Variants in MDN1 observed in about 807,000 individuals in gnomAD.
MDN1 encodes the protein midasin.
A neutral mutation model predicts 669.2 loss-of-function variants in MDN1; 266 were observed. That is an observed-to-expected ratio of 0.40 (90% CI 0.36 to 0.44). MDN1 has a LOEUF of 0.44. Among genes scored for constraint, MDN1 ranks in the 20% least tolerant of loss-of-function variants. The pLI is 1.00. For synonymous variants in MDN1, 2,385 were observed against 2,457.1 expected, an observed-to-expected ratio of 0.97 and a Z score of 0.87; for missense variants, 5,940 against 6,754.0, an observed-to-expected ratio of 0.88 and a Z score of 4.22.
chr6:89,703,417 C>A (rs910552922), intron 53 of MDN1, among the ~76,000 whole-genome samples: 6 of 150,968 alleles, frequency 4.0e-5, no homozygotes, highest in African/African-American at 1.5e-4. Flanking sequence ...GTTTAAATGT[C>A]TATTCTTAAG....
intron 88 of MDN1, among the ~76,000 whole-genome samples, chr6:89,660,490 G>T (rs9342204): frequency 0.98 from 147,951 of 151,050 alleles, 72,477 homozygotes; most frequent in East Asian, 1. Flanking sequence ...AGCCTACTGG[G>T]TTTTTTTTTC....
At chr6:89,660,215 T>C (rs146542107) in intron 88 of MDN1, among the ~76,000 whole-genome samples, 17 of 152,256 alleles carry the variant, frequency 1.1e-4, no homozygotes, top group Non-Finnish European at 1.8e-4. Flanking sequence ...AGACAGAGTC[T>C]CGTTCTGTCA....
At position 89,683,917 on chromosome 6, in the gene MDN1, T is replaced by C; in HGVS notation, c.11830-13A>G. On this transcript the variant is annotated splice_polypyrimidine_tract_variant and intron_variant, in intron 71 of 101. Transcript: ENST00000369393. ...TCTTAACAAATTCCTGTAAGATAAA[T>C]GATGTTCAAGAAATGGCTTTATAAA... is the stretch of plus-strand genomic sequence containing the variant. 3 of 1,600,830 alleles carry C rather than the reference T, an allele frequency of 1.9e-6. No homozygotes were observed. In the South Asian group the frequency reaches 3.3e-5, roughly 18 times the overall value.
intron 31 of MDN1, 133 bp downstream of exon 31, chr6:89,743,017 G>A (rs1816372393): frequency 9.3e-7 from 1 of 1,080,178 alleles, no homozygotes; most frequent in Admixed American, 2.7e-5. Context: ...AGAAGTTTGA[G>A]GCTACAGTGA....
intron 7 of MDN1, among the ~76,000 whole-genome samples, chr6:89,788,888 G>A (rs890053135): frequency 6.6e-6 from 1 of 152,202 alleles, no homozygotes; most frequent in Non-Finnish European, 1.5e-5. Context: ...CACTTTGGGA[G>A]GCTGAGGCAG....
intron 52 of MDN1, 98 bp downstream of exon 52, chr6:89,707,262 AC>A: frequency 1.2e-6 from 1 of 802,928 alleles, no homozygotes; most frequent in East Asian, 2.6e-5. Context: ...ATTAAAAGAA[AC>A]CAGTAAACAA....
chr6:89,713,099 G>T (rs761165924), intron 47 of MDN1, 49 bp downstream of exon 47: 3 of 1,571,624 alleles, frequency 1.9e-6, no homozygotes, highest in South Asian at 2.3e-5. Flanking sequence ...TCGTACTCAA[G>T]AATGTAGGGT....
chr6:89,666,444 T>C (rs1810239107), intron 84 of MDN1, among the ~76,000 whole-genome samples: 1 of 152,066 alleles, frequency 6.6e-6, no homozygotes, highest in African/African-American at 2.4e-5. Flanking sequence ...TTTGTATTTT[T>C]AGTAGAGATG....
intron 97 of MDN1, among the ~76,000 whole-genome samples, chr6:89,649,080 C>G (rs757447834): frequency 1.4e-4 from 21 of 151,414 alleles, no homozygotes; most frequent in Middle Eastern, 6.9e-3. Flanking sequence ...TGAAGAGTAA[C>G]CTCTTGTAGG....
chr6:89,758,046 T>C (rs891895552), intron 19 of MDN1, among the ~76,000 whole-genome samples: 60 of 150,956 alleles, frequency 4.0e-4, no homozygotes, highest in African/African-American at 1.4e-3. Flanking sequence ...AGACTCTGTC[T>C]CAGAAAAAAA....
chr6:89,698,390 A>G (rs1167506036), intron 59 of MDN1, among the ~76,000 whole-genome samples: 1 of 152,258 alleles, frequency 6.6e-6, no homozygotes, highest in Admixed American at 6.5e-5. Flanking sequence ...TAAGAAAGTG[A>G]TTAAAATAAA....
intron 82 of MDN1, among the ~76,000 whole-genome samples, chr6:89,671,394 G>C (rs1025581631): frequency 1.3e-5 from 2 of 152,154 alleles, no homozygotes; most frequent in Non-Finnish European, 2.9e-5. Context: ...CAGCACTTTG[G>C]GAGGCCAAAG....
At chr6:89,801,760 C>T (rs1584393647) in intron 2 of MDN1, among the ~76,000 whole-genome samples, 1 of 150,926 alleles carries the variant, frequency 6.6e-6, no homozygotes, top group East Asian at 2.0e-4. Flanking sequence ...TGCCACTGCA[C>T]TCCAGACTGG....
rs771685175 is a variant in MDN1 at position 89,723,077 on chromosome 6, G to A, written c.5845C>T (p.Arg1949Trp). The part of the protein sequence containing the change: ...QKGGPWEFNL[R>W]DLFRWCQLML... ...AACTGACACCAGCGGAAAAGGTCCC[G>A]GAGGTTGAATTCCCAGGGTCCTCCT... Residue 1949 changes from arginine to tryptophan, a missense_variant, in exon 40 of 102, where the codon CGG becomes TGG. This residue lies in a region of MDN1 where 2,292 missense variants were observed against 2,638.3 expected (regional missense o/e 0.87). Transcript: ENST00000369393. The A allele has an allele frequency of 6.8e-6, 11 of 1,613,948 alleles. No homozygotes were observed. Among genetic ancestry groups the A allele is most frequent in the East Asian group, 4.5e-5 (2 of 44,892 alleles).
chr6:89,742,388 A>G (rs1816338871), intron 31 of MDN1, among the ~76,000 whole-genome samples: 1 of 152,086 alleles, frequency 6.6e-6, no homozygotes, highest in African/African-American at 2.4e-5. Flanking sequence ...AGCCTGGGAT[A>G]AAGAGCAAGA....
chr6:89,794,006 G>GC, intron 4 of MDN1, 52 bp from the exon 5 acceptor site: 1 of 1,480,656 alleles, frequency 6.8e-7, no homozygotes. Flanking sequence ...AAATGCTATC[G>GC]CAAGACCTGC....
intron 8 of MDN1, among the ~76,000 whole-genome samples, chr6:89,785,662 T>G (rs1260301349): frequency 1.3e-5 from 2 of 152,210 alleles, no homozygotes; most frequent in African/African-American, 4.8e-5. Context: ...ATTCTTTTCT[T>G]CTGACATAAA....
chr6:89,761,576 A>G, intron 17 of MDN1, 69 bp downstream of exon 17: 1 of 1,154,008 alleles, frequency 8.7e-7, no homozygotes, highest in South Asian at 1.5e-5. Flanking sequence ...ACAAAATAGT[A>G]ACCTGCCTGA....
intron 65 of MDN1, among the ~76,000 whole-genome samples, chr6:89,689,188 T>G (rs1812219243): frequency 6.6e-6 from 1 of 152,182 alleles, no homozygotes; most frequent in South Asian, 2.1e-4. Flanking sequence ...TAATTGGGAC[T>G]AATGAATGCT....
Sources: allele counts gnomAD v4.1 joint callset (sites outside exome capture counted in the v4.1 genomes callset), GRCh38; gene constraint gnomAD v4.1.1; regional missense constraint gnomAD v4.1.1; transcripts MANE v1.5; gene names NCBI Gene and HGNC (gene_info 2026-07-23, HGNC 2026-07-21).